Variants in STK3 observed in about 807,000 individuals in gnomAD.
The protein encoded by STK3 is serine/threonine-protein kinase 3.
A neutral mutation model predicts 58.0 loss-of-function variants in STK3; 41 were observed. That is an observed-to-expected ratio of 0.71 (90% CI 0.55 to 0.92). The LOEUF (loss-of-function observed/expected upper bound fraction) is 0.92. STK3 is among the 40% of genes least tolerant of loss of function. The pLI, the probability that STK3 is intolerant of heterozygous loss-of-function variation, is 0.00. For missense variants in STK3, 479 were observed against 602.7 expected (o/e 0.79, Z 2.15); for synonymous variants, 170 against 191.0 (o/e 0.89, Z 0.91).
At chr8:98,934,442 T>G (rs1238556794) in intron 1 of STK3, among the ~76,000 whole-genome samples, 2 of 152,184 alleles carry the variant, frequency 1.3e-5, no homozygotes, top group African/African-American at 4.8e-5. Flanking sequence ...AGAAGAAAGC[T>G]GCATATCGGA....
chr8:98,479,450 G>GCA (rs1333760858), intron 10 of STK3, among the ~76,000 whole-genome samples: 1 of 134,184 alleles, frequency 7.5e-6, no homozygotes, highest in East Asian at 2.6e-4. Flanking sequence ...TCCTGCCACT[G>GCA]CACTCCAGCC....
intron 1 of STK3, among the ~76,000 whole-genome samples, chr8:98,447,008 GT>G (rs1586584405): frequency 6.6e-6 from 1 of 152,234 alleles, no homozygotes; most frequent in East Asian, 1.9e-4. Flanking sequence ...AATACCACAT[GT>G]TCTTGCTTAT....
chr8:98,939,212 A>C (rs553920422), intron 1 of STK3, among the ~76,000 whole-genome samples: 147 of 152,344 alleles, frequency 9.6e-4, no homozygotes, highest in African/African-American at 3.2e-3. Context: ...AAGAAGGAAG[A>C]GGTAGGGACG....
intron 3 of STK3, chr8:98,430,651 T>A (rs1818313324): frequency 6.0e-6 from 1 of 167,100 alleles, no homozygotes; most frequent in African/African-American, 2.4e-5. Flanking sequence ...ACTCAAAATA[T>A]AGACGTGCAC....
intron 6 of STK3, among the ~76,000 whole-genome samples, chr8:98,631,238 G>C (rs1343705190): frequency 6.6e-6 from 1 of 152,108 alleles, no homozygotes; most frequent in African/African-American, 2.4e-5. Context: ...TCACACATCA[G>C]ACCATACCAT....
intron 10 of STK3, among the ~76,000 whole-genome samples, chr8:98,469,032 C>T (rs1820701446): frequency 6.6e-6 from 1 of 151,974 alleles, no homozygotes; most frequent in African/African-American, 2.4e-5. Context: ...TCGCTTGAAC[C>T]TGGGAGGCGG....
chr8:98,536,305 A>G (rs12544768), intron 9 of STK3, among the ~76,000 whole-genome samples: 63,316 of 151,988 alleles, frequency 0.42, 13,400 homozygotes, highest in Admixed American at 0.54. Context: ...ATAAGGGTTT[A>G]GGCCAGGTAT....
intron 1 of STK3, among the ~76,000 whole-genome samples, chr8:98,381,501 G>C (rs1474200874): frequency 6.6e-6 from 1 of 152,198 alleles, no homozygotes; most frequent in African/African-American, 2.4e-5. Context: ...AGGCACTTGG[G>C]TTAGGGGATA....
At chr8:98,540,266 G>C (rs1173812855) in intron 9 of STK3, among the ~76,000 whole-genome samples, 2 of 152,178 alleles carry the variant, frequency 1.3e-5, no homozygotes, top group African/African-American at 4.8e-5. Context: ...CTGCACCTCA[G>C]AAGCACTTGT....
intron 3 of STK3, among the ~76,000 whole-genome samples, chr8:98,833,091 G>T (rs1463723248): frequency 1.3e-5 from 2 of 152,174 alleles, no homozygotes; most frequent in African/African-American, 4.8e-5. Context: ...CGTGCCCAAG[G>T]TGGTTGGGTT....
chr8:98,745,167 C>T (rs1213384502), intron 4 of STK3, among the ~76,000 whole-genome samples: 3 of 152,162 alleles, frequency 2.0e-5, no homozygotes, highest in Non-Finnish European at 2.9e-5. Context: ...TAACCAGCTG[C>T]ATATGTTTTA....
chr8:98,665,228 T>C (rs935472713), intron 6 of STK3, among the ~76,000 whole-genome samples: 2 of 152,092 alleles, frequency 1.3e-5, no homozygotes, highest in Non-Finnish European at 2.9e-5. Flanking sequence ...TTCACAGAGA[T>C]CGTATTAGAG....
At chr8:98,419,758 CCTATAATCT>C (rs1236658056) in intron 3 of STK3, among the ~76,000 whole-genome samples, 2 of 152,198 alleles carry the variant, frequency 1.3e-5, no homozygotes, top group Non-Finnish European at 2.9e-5. Context: ...TCTGCTTCTT[CCTATAATCT>C]CGACACCCTG....
chr8:98,390,013 C>T (rs1805295496), upstream of STK3, among the ~76,000 whole-genome samples: 2 of 152,074 alleles, frequency 1.3e-5, no homozygotes, highest in Non-Finnish European at 2.9e-5. Flanking sequence ...CTGCGGTTAA[C>T]ATGTGCCCTT....
chr8:98,923,159 C>A (rs1839637955), intron 1 of STK3, among the ~76,000 whole-genome samples: 1 of 152,078 alleles, frequency 6.6e-6, no homozygotes, highest in Admixed American at 6.6e-5. Flanking sequence ...TGTAATGAAG[C>A]AAAATGTATA....
intron 3 of STK3, among the ~76,000 whole-genome samples, chr8:98,403,001 T>C (rs766914062): frequency 5.3e-5 from 8 of 152,196 alleles, no homozygotes; most frequent in African/African-American, 7.2e-5. Context: ...TTGACTTTCT[T>C]GGGCCTTGCA....
chr8:98,844,561 G>A (rs1836123575), intron 3 of STK3, among the ~76,000 whole-genome samples: 1 of 152,084 alleles, frequency 6.6e-6, no homozygotes, highest in Non-Finnish European at 1.5e-5. Flanking sequence ...TACCTCTTGG[G>A]CTCAAGCCAT....
chr8:98,575,488 C>T (rs1014182752), intron 8 of STK3, among the ~76,000 whole-genome samples: 1 of 151,426 alleles, frequency 6.6e-6, no homozygotes, highest in Non-Finnish European at 1.5e-5. Context: ...CAAAAGAAAA[C>T]ACTGTACCCA....
intron 3 of STK3, chr8:98,393,770 G>A (rs1817870797): frequency 6.6e-6 from 1 of 152,078 alleles, no homozygotes; most frequent in South Asian, 2.1e-4. Context: ...AGAGACCCCA[G>A]GCAGGTGAAA....
Sources: allele counts gnomAD v4.1 joint callset (sites outside exome capture counted in the v4.1 genomes callset), GRCh38; gene constraint gnomAD v4.1.1; transcripts MANE v1.5; gene names NCBI Gene and HGNC (gene_info 2026-07-23, HGNC 2026-07-21).